The following ADAMTS15 variants were observed in gnomAD, a reference collection of about 807,000 sequenced individuals.
ADAMTS15 encodes the protein A disintegrin and metalloproteinase with thrombospondin motifs 15.
ADAMTS15 carries 35 observed loss-of-function variants against 79.1 expected under a neutral mutation model. The observed-to-expected ratio is 0.44, with a 90% confidence interval of 0.34 to 0.59. The LOEUF (loss-of-function observed/expected upper bound fraction) is 0.59. ADAMTS15 is among the 20% of genes least tolerant of loss of function. ADAMTS15 has a pLI of 0.02. For missense variants in ADAMTS15, 1,324 were observed against 1,318.7 expected, an observed-to-expected ratio of 1.00 and a Z score of -0.06; for synonymous variants, 616 against 567.3, an observed-to-expected ratio of 1.09 and a Z score of -1.22.
chr11:130,471,290 A>C lies in ADAMTS15; in HGVS notation c.1985A>C (p.Asn662Thr). 1 of 1,613,206 alleles carries C rather than the reference A, an allele frequency of 6.2e-7. No individual in the cohort carries two copies. Among genetic ancestry groups the C allele is most frequent in the Non-Finnish European group, 8.5e-7 (1 of 1,179,818 alleles). The change falls in exon 7 of 8, where the codon AAC becomes ACC. Residue 662 changes from asparagine to threonine, a missense_variant. Transcript: ENST00000299164. The stretch of plus-strand genomic sequence containing the variant: ...TGCATCAAGGCTGGCTGTGATGGGA[A>C]CCTGGGCTCCAAGAAGAGATTCGAC... ...GKCIKAGCDG[N>T]LGSKKRFDKC...
At chr11:130,465,309 T>C (rs1938278634) in intron 4 of ADAMTS15, among the ~76,000 whole-genome samples, 1 of 152,232 alleles carries the variant, frequency 6.6e-6, no homozygotes, top group East Asian at 1.9e-4. Flanking sequence ...CCTGCTGTGA[T>C]CTGAGGCCAT....
Position 130,471,005 on chromosome 11 carries a change from A to AT in ADAMTS15, c.1807dup (p.Trp603LeufsTer42). The AT allele has an allele frequency of 1.2e-6, 2 of 1,613,856 alleles. No homozygotes were observed. The highest frequency in any genetic ancestry group is 1.7e-6 in the Non-Finnish European group (2 of 1,180,042). ...CCAACCGGCTCACTCTCGCCGTGGC[A>AT]TGGGTGCCCAAGTACTCCGGCGTGT... On this transcript the variant is annotated frameshift_variant, in exon 6 of 8. Transcript: ENST00000299164. LOFTEE classifies it high-confidence loss of function.
At position 130,471,270 on chromosome 11, in the gene ADAMTS15, C is replaced by T. The variant is rs1200530249; in HGVS notation, c.1965C>T (p.Ile655=). The change falls in exon 7 of 8, where the codon ATC becomes ATT. Residue 655 remains isoleucine (I), a synonymous_variant. Transcript: ENST00000299164. ...CCGTCTGTGTCCAAGGCAAGTGCATCAAGGCTGGCTGTGATGGGAACCTGG... is the reference window on the plus strand; with the variant it reads ...CCGTCTGTGTCCAAGGCAAGTGCATTAAGGCTGGCTGTGATGGGAACCTGG... ...STSVCVQGKC[I]KAGCDGNLGS... is the part of the protein sequence containing the mutation. The T allele has an allele frequency of 6.2e-7, 1 of 1,613,038 alleles. No individual in the cohort carries two copies. Among genetic ancestry groups the T allele is most frequent in the East Asian group, 2.2e-5 (1 of 44,858 alleles).
rs1938488403 is a variant in ADAMTS15, at chr11:130,472,990, A to G, written c.2079-57A>G. ...TACTGAGGAAAACAGATCCTGGAGC[A>G]TAAGGTCCTCAGGTCCAGGCTTCTA... On this transcript the variant is annotated intron_variant, in intron 7 of 7. Coordinates refer to ENST00000299164, the MANE Select transcript of ADAMTS15 (RefSeq NM_139055.4). The surrounding 1 kb of genome is among the most constrained non-coding windows in gnomAD (Gnocchi z 4.7). 1.9e-6 allele frequency: 3 copies of G among 1,580,726 alleles called. No individual in the cohort carries two copies. The highest frequency in any genetic ancestry group is 1.7e-5 in the Admixed American group (1 of 57,284).
intron 1 of ADAMTS15, among the ~76,000 whole-genome samples, chr11:130,458,778 A>G (rs1938141031): frequency 6.6e-6 from 1 of 152,178 alleles, no homozygotes; most frequent in Non-Finnish European, 1.5e-5. Context: ...TGTGCAGGGC[A>G]GCCCAGAGGC....
Position 130,449,923 on chromosome 11 carries a change from C to G in ADAMTS15, c.950C>G (p.Thr317Ser). ...PEYWDTAILF[T>S]RQDLCGATTC... ...TACTGGGACACTGCCATCCTCTTCA[C>G]CAGGCAGGTGAGTTGATCTGCCGTC... Residue 317 changes from threonine to serine, a missense_variant, in exon 1 of 8, where the codon ACC (threonine) becomes AGC (serine). Thr to Ser is a moderately conservative substitution (Grantham distance 58). Transcript: ENST00000299164. The surrounding 1 kb of genome is among the most constrained non-coding windows in gnomAD (Gnocchi z 7.8). 6.3e-7 allele frequency: 1 copy of G among 1,598,736 alleles called. No individual in the cohort carries two copies. The highest frequency in any genetic ancestry group is 2.2e-5 in the East Asian group (1 of 44,838).
At position 130,463,558 on chromosome 11, in the gene ADAMTS15, G is replaced by A. The variant is rs138516467; in HGVS notation, c.1542+778G>A. ...TGTCCCTTCCCATCCCCTGTTCTCA[G>A]CTCGGGGACGACTTGCCTCTGGGCA... is the stretch of plus-strand genomic sequence containing the variant. On this transcript the variant is annotated intron_variant, in intron 4 of 7. Transcript: ENST00000299164. Among the ~76,000 whole-genome samples the A allele has an allele frequency of 1.8e-3, 273 of 152,268 alleles. 2 individuals carry two copies. Among genetic ancestry groups the A allele is most frequent in the African/African-American group, 5.3e-3 (219 of 41,552 alleles).
Position 130,449,940 on chromosome 11 carries a change from T to C in ADAMTS15, c.957+10T>C. On this transcript the variant is annotated intron_variant, in intron 1 of 7. Transcript: ENST00000299164. The surrounding 1 kb of genome is among the most constrained non-coding windows in gnomAD (Gnocchi z 7.8). The stretch of plus-strand genomic sequence containing the variant: ...CCTCTTCACCAGGCAGGTGAGTTGA[T>C]CTGCCGTCACTTTGCACCCAGATAG... The C allele has an allele frequency of 6.3e-7, 1 of 1,596,388 alleles. No homozygotes were observed. The highest frequency in any genetic ancestry group is 8.5e-7 in the Non-Finnish European group (1 of 1,177,394).
intron 1 of ADAMTS15, among the ~76,000 whole-genome samples, chr11:130,460,299 G>A (rs1393592893): frequency 6.7e-6 from 1 of 148,424 alleles, no homozygotes; most frequent in East Asian, 2.0e-4. Context: ...TTTTTGAGAC[G>A]GAGTTTTGCT....
In ADAMTS15 at chr11:130,462,737, T is replaced by G. The variant is rs1195459305; in HGVS notation, c.1499T>G (p.Leu500Arg). ...AGCTGTGGCGAGGGCAAGCTCTGCC[T>G]CAAAGGGGCCTGCGTGGAGAGACAC... ...GTSCGEGKLC[L>R]KGACVERHNL... The change falls in exon 4 of 8, where the codon CTC (leucine) becomes CGC (arginine). Residue 500 changes from leucine (L) to arginine (R), a missense_variant. Transcript: ENST00000299164. This position sits in a 1 kb window ranked among gnomAD's most constrained non-coding sequence, Gnocchi z 4.3. 7 of 1,605,152 alleles carry G rather than the reference T, an allele frequency of 4.4e-6. No individual in the cohort carries two copies. Among genetic ancestry groups the G allele is most frequent in the African/African-American group, 1.3e-5 (1 of 74,798 alleles).
At chr11:130,452,723 C>T (rs1937989999) in intron 1 of ADAMTS15, among the ~76,000 whole-genome samples, 1 of 152,212 alleles carries the variant, frequency 6.6e-6, no homozygotes, top group African/African-American at 2.4e-5. Flanking sequence ...TGGCTCACGC[C>T]TGTAATCCCA....
intron 1 of ADAMTS15, chr11:130,450,153 T>C (rs1407279092): frequency 1.0e-6 from 1 of 985,338 alleles, no homozygotes; most frequent in Admixed American, 6.1e-5. Flanking sequence ...GCCTGCGCTT[T>C]CCGAAGGTGT....
At chr11:130,456,960 C>T (rs529804569) in intron 1 of ADAMTS15, among the ~76,000 whole-genome samples, 5 of 152,242 alleles carry the variant, frequency 3.3e-5, no homozygotes, top group South Asian at 4.2e-4. Context: ...CGGCCAGGTG[C>T]GGTGGCTCAT....
In ADAMTS15 at chr11:130,473,859, A is replaced by G. The variant is rs753208804; in HGVS notation, c.*38A>G. ...CTTTCTCCCCCTCACTCTCCACCCC[A>G]CTGATATGCCAGCGTTCTGCCAGCT... On this transcript the variant is annotated 3_prime_UTR_variant, in exon 8 of 8. Coordinates refer to ENST00000299164, the MANE Select transcript of ADAMTS15 (RefSeq NM_139055.4). 1 of 1,546,178 alleles carries G rather than the reference A, an allele frequency of 6.5e-7. No individual in the cohort carries two copies. The highest frequency in any genetic ancestry group is 1.2e-5 in the South Asian group (1 of 83,398).
chr11:130,449,562 G>A lies in ADAMTS15; in HGVS notation c.589G>A (p.Gly197Ser), dbSNP rs1056325962. 1 of 1,585,558 alleles carries A rather than the reference G, an allele frequency of 6.3e-7. No homozygotes were observed. The highest frequency in any genetic ancestry group is 1.3e-5 in the African/African-American group (1 of 74,580). ...ALDPYKPRRA[G>S]FGESRSRRRS... is the part of the protein sequence containing the mutation. ...GGACCCTTACAAGCCGCGGCGGGCG[G>A]GCTTCGGGGAGAGTCGTAGCCGGCG... The change falls in exon 1 of 8, where the codon GGC (glycine) becomes AGC (serine). Residue 197 changes from glycine (G) to serine (S), a missense_variant. Coordinates refer to ENST00000299164, the MANE Select transcript of ADAMTS15 (RefSeq NM_139055.4). The surrounding 1 kb of genome is among the most constrained non-coding windows in gnomAD (Gnocchi z 7.8).
In ADAMTS15 at chr11:130,449,166, T is replaced by C; in HGVS notation, c.193T>C (p.Tyr65His). ...GATCACAGCATTTCAGGAGGACTTT[T>C]ACCTACACCTGACGCCGGATGCTCA... ...FQITAFQEDF[Y>H]LHLTPDAQFL... is the part of the protein sequence containing the mutation. Residue 65 changes from tyrosine to histidine, a missense_variant, in exon 1 of 8, where the codon TAC becomes CAC. By Grantham distance (83) the Tyr-to-His change is moderately conservative. Transcript: ENST00000299164. The surrounding 1 kb of genome is among the most constrained non-coding windows in gnomAD (Gnocchi z 7.8). The C allele has an allele frequency of 6.2e-7, 1 of 1,609,994 alleles. No individual in the cohort carries two copies. The highest frequency in any genetic ancestry group is 8.5e-7 in the Non-Finnish European group (1 of 1,177,072).
Position 130,462,527 on chromosome 11 carries a change from C to A in ADAMTS15, c.1289C>A (p.Pro430His). ...GDCLLDQPSK[P>H]ISLPEDLPGA... ...TGCCTCCTGGACCAACCCAGCAAGC[C>A]CATCTCCCTGCCCGAGGATCTGCCG... The change falls in exon 4 of 8, where the codon CCC (proline) becomes CAC (histidine). Residue 430 changes from proline (P) to histidine (H), a missense_variant. Pro to His is a moderately conservative substitution (Grantham distance 77, BLOSUM62 -2). Transcript: ENST00000299164. The surrounding 1 kb of genome is among the most constrained non-coding windows in gnomAD (Gnocchi z 4.3). 6.2e-7 allele frequency: 1 copy of A among 1,604,386 alleles called. No individual in the cohort carries two copies. Among genetic ancestry groups the A allele is most frequent in the Admixed American group, 1.7e-5 (1 of 59,774 alleles).
intron 1 of ADAMTS15, among the ~76,000 whole-genome samples, chr11:130,461,251 C>T: frequency 6.6e-6 from 1 of 152,134 alleles, no homozygotes; most frequent in East Asian, 1.9e-4. Context: ...AGGGTTTGGG[C>T]AGAGTGTTTT....
intron 1 of ADAMTS15, among the ~76,000 whole-genome samples, chr11:130,456,849 G>T (rs965651648): frequency 6.6e-6 from 1 of 152,170 alleles, no homozygotes; most frequent in Non-Finnish European, 1.5e-5. Context: ...TGATGTAGCC[G>T]CAGAGATGAG....
Sources: gnomAD v4.1 joint callset for allele counts (sites outside exome capture counted in the v4.1 genomes callset) on GRCh38, gnomAD v4.1.1 for gene constraint, Gnocchi (gnomAD v3.1) non-coding constraint, MANE v1.5 for transcripts, NCBI Gene and HGNC (gene_info 2026-07-23, HGNC 2026-07-21) for gene names.